The following NAA11 variants were observed in gnomAD, a reference collection of about 807,000 sequenced individuals.
The protein encoded by NAA11 is N-alpha-acetyltransferase 11.
In NAA11, 15 loss-of-function variants were observed where a neutral mutation model predicts 16.1. The observed-to-expected ratio is 0.93, with a 90% CI of 0.62 to 1.44. The LOEUF is 1.44. NAA11 is among the 40% of genes most tolerant of loss of function. The pLI, the probability that NAA11 is intolerant of heterozygous loss-of-function variation, is 0.00. For synonymous variants in NAA11, 122 were observed against 112.4 expected, an observed-to-expected ratio of 1.09 and a Z score of -0.54; for missense variants, 298 against 291.3, an observed-to-expected ratio of 1.02 and a Z score of -0.17.
intron 2 of NAA11, among the ~76,000 whole-genome samples, chr4:79,285,033 A>T (rs1722877060): frequency 6.6e-6 from 1 of 152,110 alleles, no homozygotes; most frequent in Non-Finnish European, 1.5e-5. Flanking sequence ...TTTAAAATCA[A>T]TCAGATATTA....
At chr4:79,289,229 T>C (rs1288701538) in intron 2 of NAA11, among the ~76,000 whole-genome samples, 1 of 152,224 alleles carries the variant, frequency 6.6e-6, no homozygotes, top group Non-Finnish European at 1.5e-5. Flanking sequence ...TCCCTCTCAG[T>C]TGTGATTATA....
chr4:79,169,037 A>G, the NAA11 span, among the ~76,000 whole-genome samples: 2 of 152,138 alleles, frequency 1.3e-5, no homozygotes, highest in African/African-American at 4.8e-5. Context: ...ACCTAGGAAT[A>G]CAACTTACAA....
chr4:79,155,890 A>G, the NAA11 span, among the ~76,000 whole-genome samples: 3 of 152,146 alleles, frequency 2.0e-5, no homozygotes, highest in Non-Finnish European at 1.5e-5. Context: ...CCCTATGAAC[A>G]TATACTTTTT....
the NAA11 span, among the ~76,000 whole-genome samples, chr4:79,216,194 G>C: frequency 6.6e-6 from 1 of 152,036 alleles, no homozygotes; most frequent in Non-Finnish European, 1.5e-5. Context: ...ATTGTGTACT[G>C]TAGAAAAGTT....
chr4:79,254,149 C>A (rs923061369), intron 2 of NAA11, among the ~76,000 whole-genome samples: 2 of 152,178 alleles, frequency 1.3e-5, no homozygotes, highest in East Asian at 3.8e-4. Flanking sequence ...CTGACTCACT[C>A]CAGCAAGATT....
At chr4:79,199,163 C>T in the NAA11 span, among the ~76,000 whole-genome samples, 4 of 151,896 alleles carry the variant, frequency 2.6e-5, no homozygotes, top group African/African-American at 9.7e-5. Context: ...CGAGGCAAGG[C>T]ATGGAAATAG....
chr4:79,208,321 TA>T, the NAA11 span, among the ~76,000 whole-genome samples: 3 of 152,172 alleles, frequency 2.0e-5, no homozygotes, highest in Non-Finnish European at 2.9e-5. Flanking sequence ...TATTAATAAT[TA>T]AATGTGATAA....
chr4:79,222,782 T>A (rs1354559566), downstream of NAA11, among the ~76,000 whole-genome samples: 1 of 151,456 alleles, frequency 6.6e-6, no homozygotes, highest in East Asian at 1.9e-4. Flanking sequence ...TACAATGAAC[T>A]CAAACAAATT....
rs1169027405 is a variant in NAA11, at chr4:79,322,637, A to G, written c.*12+2539T>C. On this transcript the variant is annotated intron_variant, in intron 1 of 1. Coordinates refer to ENST00000286794, the MANE Select transcript of NAA11 (RefSeq NM_032693.3). ...GTAAGTCCTTCTACGAAGGAATTTG[A>G]AAGTTGAAATTTTTTTTAAAAGGTT... Among the ~76,000 whole-genome samples the G allele has an allele frequency of 2.6e-5, 4 of 152,116 alleles. No individual in the cohort carries two copies. In the East Asian group the frequency reaches 5.8e-4, roughly 22 times the overall value.
Position 79,325,222 on chromosome 4 carries a change from T to C in NAA11, c.656A>G (p.Gln219Arg), listed in dbSNP as rs1262099418. 2 of 1,613,094 alleles carry C rather than the reference T, an allele frequency of 1.2e-6. No homozygotes were observed. The highest frequency in any genetic ancestry group is 8.5e-7 in the Non-Finnish European group (1 of 1,179,504). ...GGAATCCGAGCTTTCTGAGCTGTCC[T>C]GGACGTTGGTGCTCTCCACAGACTC... ...PKESVESTNV[Q>R]DSSESSDSTS Residue 219 changes from glutamine to arginine, a missense_variant, in exon 1 of 2, where the codon CAG becomes CGG. By Grantham distance (43) the Gln-to-Arg change is conservative. Transcript: ENST00000286794.
intron 2 of NAA11, among the ~76,000 whole-genome samples, chr4:79,248,740 G>A (rs2109966367): frequency 6.6e-6 from 1 of 152,280 alleles, no homozygotes; most frequent in South Asian, 2.1e-4. Flanking sequence ...TGCCAATACT[G>A]CTGCCTGCAT....
intron 2 of NAA11, among the ~76,000 whole-genome samples, chr4:79,292,761 T>G (rs1490006470): frequency 6.6e-6 from 1 of 152,224 alleles, no homozygotes; most frequent in Non-Finnish European, 1.5e-5. Context: ...GTTAATCCAT[T>G]CATTTCAGGT....
At chr4:79,252,310 C>T (rs968803938) in intron 2 of NAA11, among the ~76,000 whole-genome samples, 1 of 152,138 alleles carries the variant, frequency 6.6e-6, no homozygotes, top group Non-Finnish European at 1.5e-5. Context: ...TGTAACAAAA[C>T]TGCATTTGTA....
the NAA11 span, among the ~76,000 whole-genome samples, chr4:79,208,925 C>CAAAAAAAAAA: frequency 2.8e-4 from 15 of 53,888 alleles, no homozygotes; most frequent in East Asian, 1.6e-3. Context: ...ATATAACTGC[C>CAAAAAAAAAA]AAAAAAAAAA....
At chr4:79,235,383 T>C (rs1721550759) in intron 2 of NAA11, among the ~76,000 whole-genome samples, 1 of 151,996 alleles carries the variant, frequency 6.6e-6, no homozygotes, top group Admixed American at 6.6e-5. Context: ...CGAAAACAGC[T>C]TCAGCTTGAA....
intron 2 of NAA11, among the ~76,000 whole-genome samples, chr4:79,275,598 CAA>C (rs953042835): frequency 6.6e-6 from 1 of 152,050 alleles, no homozygotes; most frequent in African/African-American, 2.4e-5. Flanking sequence ...ATAGATCCTG[CAA>C]AGTTACACTG....
At chr4:79,172,031 G>C in the NAA11 span, among the ~76,000 whole-genome samples, 1 of 152,084 alleles carries the variant, frequency 6.6e-6, no homozygotes, top group African/African-American at 2.4e-5. Flanking sequence ...AGGACATTAA[G>C]AAGAATATGA....
intron 1 of NAA11, chr4:79,304,976 C>A (rs4401472): frequency 0.59 from 89,264 of 151,986 alleles, 26,546 homozygotes; most frequent in East Asian, 0.85. Flanking sequence ...AAAGAGACTA[C>A]ATTTCTTTCT....
At chr4:79,220,696 C>G (rs1168140075), downstream of NAA11, among the ~76,000 whole-genome samples, 2 of 151,934 alleles carry the variant, frequency 1.3e-5, no homozygotes, top group Non-Finnish European at 2.9e-5. Context: ...TAAGATTTCT[C>G]TACTTCTGAG....
Sources: gnomAD v4.1 joint callset for allele counts (sites outside exome capture counted in the v4.1 genomes callset) on GRCh38, gnomAD v4.1.1 for gene constraint, MANE v1.5 for transcripts, NCBI Gene and HGNC (gene_info 2026-07-23, HGNC 2026-07-21) for gene names.